The following MST1R variants were observed in gnomAD, a reference collection of about 807,000 sequenced individuals.
MST1R encodes the protein macrophage-stimulating protein receptor.
A neutral mutation model predicts 117.8 loss-of-function variants in MST1R; 99 were observed. That is an observed-to-expected ratio of 0.84 (90% CI 0.71 to 0.99). The LOEUF is 0.99. Ranked by LOEUF, MST1R falls within the 50% of genes least tolerant of loss-of-function variation. The pLI, the probability that MST1R is intolerant of heterozygous loss-of-function variation, is 0.00. For synonymous variants in MST1R, 734 were observed against 765.3 expected, an observed-to-expected ratio of 0.96 and a Z score of 0.68; for missense variants, 1,683 against 1,840.2, an observed-to-expected ratio of 0.91 and a Z score of 1.56.
intron 17 of MST1R, 128 bp downstream of exon 17, chr3:49,891,069 G>A: frequency 1.2e-6 from 1 of 867,500 alleles, no homozygotes; most frequent in Non-Finnish European, 1.8e-6. Flanking sequence ...GCACTGGGCA[G>A]ACAAAAAAAG....
intron 6 of MST1R, 37 bp downstream of exon 6, chr3:49,897,483 A>G: frequency 6.2e-7 from 1 of 1,610,662 alleles, no homozygotes; most frequent in South Asian, 1.1e-5. Context: ...CGTACCATGC[A>G]CTGGCCAAGG....
chr3:49,902,667 C>T lies in MST1R; in HGVS notation c.943G>A (p.Gly315Arg), dbSNP rs745900173. ...ACCCGCAGCACAGGGTAGGGCTGTCCGCCTTCTGGGGCCCCCCGGCGCCTG... is the reference window on the plus strand; with the variant it reads ...ACCCGCAGCACAGGGTAGGGCTGTCTGCCTTCTGGGGCCCCCCGGCGCCTG... ...KRRRRGAPEGGQPYPVLRVAH... is the reference protein window; with the variant it reads ...KRRRRGAPEGRQPYPVLRVAH... Residue 315 changes from glycine to arginine, a missense_variant, in exon 1 of 20, where the codon GGA becomes AGA. Physicochemically the swap from Gly to Arg is moderately radical, Grantham distance 125. Coordinates refer to ENST00000296474, the MANE Select transcript of MST1R (RefSeq NM_002447.4). The T allele has an allele frequency of 1.2e-5, 19 of 1,613,446 alleles. No homozygotes were observed. Among genetic ancestry groups the T allele is most frequent in the African/African-American group, 8.0e-5 (6 of 75,082 alleles).
intron 1 of MST1R, among the ~76,000 whole-genome samples, chr3:49,900,253 G>C (rs972856251): frequency 6.6e-6 from 1 of 152,138 alleles, no homozygotes; most frequent in Admixed American, 6.5e-5. Flanking sequence ...TGGAAGCTAG[G>C]GGGTACTAAC....
chr3:49,894,274 T>C (rs907119554), intron 14 of MST1R, among the ~76,000 whole-genome samples: 6 of 150,530 alleles, frequency 4.0e-5, no homozygotes, highest in East Asian at 2.0e-4. Flanking sequence ...ATAAATATAA[T>C]AAAACAGGCT....
chr3:49,888,353 G>A (rs535767489), intron 19 of MST1R, among the ~76,000 whole-genome samples: 7 of 151,020 alleles, frequency 4.6e-5, no homozygotes, highest in Non-Finnish European at 8.8e-5. Flanking sequence ...GGAGAATGGC[G>A]TGAACCCGGG....
intron 3 of MST1R, 78 bp from the exon 4 acceptor site, chr3:49,898,766 G>C: frequency 6.2e-7 from 1 of 1,604,868 alleles, no homozygotes; most frequent in Non-Finnish European, 8.5e-7. Context: ...GTACACAGTA[G>C]GCTAGGGTGG....
chr3:49,891,420 C>G lies in MST1R; in HGVS notation c.3513G>C (p.Gln1171His), dbSNP rs2108388355. 6.2e-7 allele frequency: 1 copy of G among 1,614,012 alleles called. No homozygotes were observed. The highest frequency in any genetic ancestry group is 8.5e-7 in the Non-Finnish European group (1 of 1,180,026). The change falls in exon 16 of 20, where the codon CAG becomes CAC. Residue 1171 changes from glutamine (Q) to histidine (H), a missense_variant. By Grantham distance (24) the Gln-to-His change is conservative. Transcript: ENST00000296474. ...LPYMCHGDLL[Q>H]FIRSPQRNPT... The stretch of plus-strand genomic sequence containing the variant: ...TGACCCGCTGAGGTGAGCGGATGAA[C>G]TGGAGCAGGTCACCGTGGCACATAT...
At chr3:49,896,687 T>G in intron 8 of MST1R, 42 bp downstream of exon 8, 1 of 1,609,728 alleles carries the variant, frequency 6.2e-7, no homozygotes, top group Non-Finnish European at 8.5e-7. Flanking sequence ...GCTGGCTCTC[T>G]CATTCCCCAG....
At position 49,899,240 on chromosome 3, in the gene MST1R, G is replaced by A; in HGVS notation, c.1254C>T (p.Pro418=). The change falls in exon 2 of 20, where the codon CCC becomes CCT. Residue 418 remains proline, a synonymous_variant. Coordinates refer to ENST00000296474, the MANE Select transcript of MST1R (RefSeq NM_002447.4). ...PNPPGLEALS[P]NTSCRHFPLL... ...GAGGGAAGTGGCGGCAGCTGGTGTTGGGGCTGAGGGCTTCCAGGCCAGGCT... is the reference window on the plus strand; with the variant it reads ...GAGGGAAGTGGCGGCAGCTGGTGTTAGGGCTGAGGGCTTCCAGGCCAGGCT... 6.2e-7 allele frequency: 1 copy of A among 1,614,114 alleles called. No homozygotes were observed. The highest frequency in any genetic ancestry group is 8.5e-7 in the Non-Finnish European group (1 of 1,179,972).
rs2082443283 is a variant in MST1R, at chr3:49,895,703, C to A, written c.2962+12G>T. 7.4e-6 allele frequency: 12 copies of A among 1,612,002 alleles called. No homozygotes were observed. Among genetic ancestry groups the A allele is most frequent in the Non-Finnish European group, 1.0e-5 (12 of 1,179,958 alleles). ...GGTAGGGGCTGATTAAAGGTAGGAGCAGAGAACTCACCTAGCTGCTTCCTC... is the reference window on the plus strand; with the variant it reads ...GGTAGGGGCTGATTAAAGGTAGGAGAAGAGAACTCACCTAGCTGCTTCCTC... On this transcript the variant is annotated intron_variant, in intron 12 of 19. Coordinates refer to ENST00000296474, the MANE Select transcript of MST1R (RefSeq NM_002447.4).
rs374085484 is a variant in MST1R at position 49,902,419 on chromosome 3, G to A, written c.1191C>T (p.Gly397=). 3.7e-6 allele frequency: 6 copies of A among 1,614,008 alleles called. No homozygotes were observed. Among genetic ancestry groups the A allele is most frequent in the African/African-American group, 1.3e-5 (1 of 74,934 alleles). Residue 397 remains glycine, a synonymous_variant, in exon 1 of 20, where the codon GGC becomes GGT. Coordinates refer to ENST00000296474, the MANE Select transcript of MST1R (RefSeq NM_002447.4). ...ESPVHPGLRR[G]LDFFQSPSFC... ...AACTGGGCGACTGGAAGAAGTCGAG[G>A]CCTCGCCGGAGGCCTGGATGGACTG...
Position 49,887,390 on chromosome 3 carries a change from G to T in MST1R, c.4120C>A (p.Arg1374Ser), listed in dbSNP as rs772336656. 1.2e-6 allele frequency: 2 copies of T among 1,614,238 alleles called. No homozygotes were observed. Among genetic ancestry groups the T allele is most frequent in the South Asian group, 1.1e-5 (1 of 91,086 alleles). Reference sequence around the variant, plus strand: ...GGTGAGAACTGCGGCTGTTCTGGACGCACATTCATCTCATGCGAGGTGCTG... The same window carrying T: ...GGTGAGAACTGCGGCTGTTCTGGACTCACATTCATCTCATGCGAGGTGCTG... ...GPSTSHEMNV[R>S]PEQPQFSPMP... Residue 1374 changes from arginine (R) to serine (S), a missense_variant, in exon 20 of 20, where the codon CGT becomes AGT. Physicochemically the swap from Arg to Ser is moderately radical, Grantham distance 110. Transcript: ENST00000296474.
chr3:49,902,402 G>T lies in MST1R; in HGVS notation c.1208C>A (p.Ser403Ter). Residue 403 changes from serine to a stop codon, truncating the protein, a stop_gained, in exon 1 of 20, where the codon TCG (serine) becomes TAG (stop). Coordinates refer to ENST00000296474, the MANE Select transcript of MST1R (RefSeq NM_002447.4). LOFTEE classifies it high-confidence loss of function. ...GLRRGLDFFQ[S>*]PSFCPNPPGL... ...TACCGGGTTGGGGCAAAAACTGGGC[G>T]ACTGGAAGAAGTCGAGGCCTCGCCG... The T allele has an allele frequency of 6.2e-7, 1 of 1,613,834 alleles. No individual in the cohort carries two copies. Among genetic ancestry groups the T allele is most frequent in the Non-Finnish European group, 8.5e-7 (1 of 1,179,932 alleles).
intron 14 of MST1R, among the ~76,000 whole-genome samples, chr3:49,894,494 G>A (rs1265256746): frequency 6.6e-6 from 1 of 152,004 alleles, no homozygotes; most frequent in Non-Finnish European, 1.5e-5. Context: ...CTGAGGCTGG[G>A]GAGGTCGAGG....
rs1307383571 is a variant in MST1R at position 49,897,351 on chromosome 3, A to G, written c.2112T>C (p.Leu704=). 1.2e-6 allele frequency: 2 copies of G among 1,613,884 alleles called. No individual in the cohort carries two copies. The highest frequency in any genetic ancestry group is 2.7e-5 in the African/African-American group (2 of 74,946). The part of the protein sequence containing the change: ...GPRAGGTCLT[L]EGQSLSVGTS... The stretch of plus-strand genomic sequence containing the variant: ...TGCCTACAGACAGACTCTGGCCTTC[A>G]AGAGTGAGACAGGTGCCTCCTGCCC... The change falls in exon 7 of 20, where the codon CTT becomes CTC. Residue 704 remains leucine, a synonymous_variant. Transcript: ENST00000296474.
chr3:49,902,663 T>C lies in MST1R; in HGVS notation c.947A>G (p.Gln316Arg). 1 of 1,613,424 alleles carries C rather than the reference T, an allele frequency of 6.2e-7. No homozygotes were observed. The highest frequency in any genetic ancestry group is 8.5e-7 in the Non-Finnish European group (1 of 1,180,032). The part of the protein sequence containing the change: ...RRRRGAPEGG[Q>R]PYPVLRVAHS... ...GGCCACCCGCAGCACAGGGTAGGGC[T>C]GTCCGCCTTCTGGGGCCCCCCGGCG... The change falls in exon 1 of 20, where the codon CAG becomes CGG. Residue 316 changes from glutamine (Q) to arginine (R), a missense_variant. Physicochemically the swap from Gln to Arg is conservative, Grantham distance 43. Coordinates refer to ENST00000296474, the MANE Select transcript of MST1R (RefSeq NM_002447.4).
At chr3:49,887,705 C>T in intron 19 of MST1R, 143 bp from the exon 20 acceptor site, 1 of 855,534 alleles carries the variant, frequency 1.2e-6, no homozygotes, top group Non-Finnish European at 1.8e-6. Flanking sequence ...CAATCAGGGG[C>T]AGCTCTTCTC....
In MST1R at chr3:49,903,304, C is replaced by A; in HGVS notation, c.306G>T (p.Gln102His). The A allele has an allele frequency of 1.9e-6, 3 of 1,612,636 alleles. No homozygotes were observed. Among genetic ancestry groups the A allele is most frequent in the Non-Finnish European group, 2.5e-6 (3 of 1,179,960 alleles). ...GTCCTGGGCCACAGGCTGCACACGT[C>A]TGGCAGCCAGGGTCTCCAGCAGGGC... Reference protein sequence around the residue: ...ATGPAGDPGCQTCAACGPGPH... With the variant: ...ATGPAGDPGCHTCAACGPGPH... Residue 102 changes from glutamine to histidine, a missense_variant, in exon 1 of 20, where the codon CAG becomes CAT. Coordinates refer to ENST00000296474, the MANE Select transcript of MST1R (RefSeq NM_002447.4).
chr3:49,888,432 T>C (rs2082224478), intron 19 of MST1R, among the ~76,000 whole-genome samples: 4 of 100,400 alleles, frequency 4.0e-5, no homozygotes, highest in Admixed American at 1.1e-4. Flanking sequence ...CGAGACTCCA[T>C]CTCAAAAAAA....
Sources: gnomAD v4.1 joint callset for allele counts (sites outside exome capture counted in the v4.1 genomes callset) on GRCh38, gnomAD v4.1.1 for gene constraint, MANE v1.5 for transcripts, NCBI Gene and HGNC (gene_info 2026-07-23, HGNC 2026-07-21) for gene names.